Variants in CLMP observed in about 807,000 individuals in gnomAD.
CLMP encodes the protein CXADR like cell adhesion molecule.
CLMP carries 27 observed loss-of-function variants against 45.2 expected under a neutral mutation model. The ratio of observed to expected loss-of-function variants is 0.60; its 90% confidence interval spans 0.44 to 0.82. CLMP has a LOEUF of 0.82. Among genes scored for constraint, CLMP ranks in the 40% least tolerant of loss-of-function variants. CLMP has a pLI of 0.00. For missense variants in CLMP, 403 were observed against 448.4 expected, an observed-to-expected ratio of 0.90 and a Z score of 0.91; for synonymous variants, 167 against 171.4, an observed-to-expected ratio of 0.97 and a Z score of 0.20.
intron 1 of CLMP, among the ~76,000 whole-genome samples, chr11:123,150,527 GGAAAGAAACAAGC>G (rs1861316408): frequency 1.8e-5 from 2 of 113,862 alleles, no homozygotes; most frequent in African/African-American, 7.3e-5. Flanking sequence ...AAGGAAGGAA[GGAAAGAAACAAGC>G]AAGGAAGGAA....
rs1254080767 is a variant in CLMP, at chr11:123,070,824, C to T, written c.*2650G>A. On this transcript the variant is annotated 3_prime_UTR_variant, in exon 7 of 7. Transcript: ENST00000448775. ...AAGAAGCATTCCAAATACGCCAGTT[C>T]TCTTAAACCCATAGCAGACATTTAT... is the stretch of plus-strand genomic sequence containing the variant. The T allele has an allele frequency of 1.3e-5, 2 of 152,196 alleles. No homozygotes were observed. The highest frequency in any genetic ancestry group is 2.9e-5 in the Non-Finnish European group (2 of 68,038). The allele number at this position is 152,196 out of a possible 1,614,324, so 9.4% of individuals were successfully genotyped here.
chr11:123,110,924 G>T (rs1860629871), intron 1 of CLMP, among the ~76,000 whole-genome samples: 1 of 152,104 alleles, frequency 6.6e-6, no homozygotes, highest in African/African-American at 2.4e-5. Context: ...TGTGTGAGTA[G>T]CTGTAAAGGG....
At chr11:123,144,638 G>A (rs1198659767) in intron 1 of CLMP, among the ~76,000 whole-genome samples, 2 of 152,116 alleles carry the variant, frequency 1.3e-5, no homozygotes, top group Non-Finnish European at 2.9e-5. Flanking sequence ...CCAAAGTGCT[G>A]GGATTACAGG....
At chr11:123,074,900 T>A in intron 5 of CLMP, 57 bp from the exon 6 acceptor site, 4 of 1,565,692 alleles carry the variant, frequency 2.6e-6, no homozygotes, top group Non-Finnish European at 3.5e-6. Flanking sequence ...GGAAATATGT[T>A]ATTAACTCAA....
At chr11:123,100,032 T>A (rs74494176) in intron 1 of CLMP, among the ~76,000 whole-genome samples, 18,813 of 152,090 alleles carry the variant, frequency 0.12, 1,295 homozygotes, top group Non-Finnish European at 0.15. Flanking sequence ...AACTACGGAA[T>A]ATAGTAACTG....
chr11:123,157,722 C>CA (rs869197042), intron 1 of CLMP, among the ~76,000 whole-genome samples: 1,294 of 70,492 alleles, frequency 0.018, 9 homozygotes, highest in East Asian at 0.026. Context: ...GAGTGAAACT[C>CA]AAAAAAAAAA....
At chr11:123,155,699 C>CTCT (rs2135529417) in intron 1 of CLMP, among the ~76,000 whole-genome samples, 1 of 152,266 alleles carries the variant, frequency 6.6e-6, no homozygotes, top group South Asian at 2.1e-4. Flanking sequence ...TCCTCAGGGA[C>CTCT]TCTTGCCTCC....
At chr11:123,177,929 C>G (rs1861719686) in intron 1 of CLMP, among the ~76,000 whole-genome samples, 1 of 152,322 alleles carries the variant, frequency 6.6e-6, no homozygotes, top group East Asian at 1.9e-4. Context: ...GTGGCACGAT[C>G]TCGGCTCACT....
intron 1 of CLMP, among the ~76,000 whole-genome samples, chr11:123,170,053 T>G (rs1251918485): frequency 6.6e-6 from 1 of 152,172 alleles, no homozygotes; most frequent in East Asian, 1.9e-4. Context: ...GGTGCCAGAC[T>G]TTTAGTGGAT....
intron 1 of CLMP, among the ~76,000 whole-genome samples, chr11:123,150,201 A>AACACACAC (rs113858165): frequency 2.8e-5 from 4 of 142,194 alleles, no homozygotes; most frequent in East Asian, 2.1e-4. Flanking sequence ...ACACACACTA[A>AACACACAC]ACACACACAC....
At chr11:123,148,190 G>A (rs937826097) in intron 1 of CLMP, among the ~76,000 whole-genome samples, 23 of 152,306 alleles carry the variant, frequency 1.5e-4, no homozygotes, top group African/African-American at 4.8e-4. Flanking sequence ...TAAGTGCTAC[G>A]TAAGTGTAGC....
intron 5 of CLMP, among the ~76,000 whole-genome samples, chr11:123,076,103 G>T (rs1865736709): frequency 6.6e-6 from 1 of 152,020 alleles, no homozygotes; most frequent in African/African-American, 2.4e-5. Context: ...AACCTGGGAG[G>T]CAGAGGTTGT....
Position 123,083,111 on chromosome 11 carries a change from C to G in CLMP, c.653G>C (p.Ser218Thr). Reference sequence around the variant, plus strand: ...CTGTACAGTTACTCGCACCACACAGCTTTCCTTCCCAGCTTCGTTGCCTGC... The same window carrying G: ...CTGTACAGTTACTCGCACCACACAGGTTTCCTTCCCAGCTTCGTTGCCTGC... ...CTAGNEAGKE[S>T]CVVRVTVQYV... is the part of the protein sequence containing the mutation. The change falls in exon 5 of 7, where the codon AGC (serine) becomes ACC (threonine). Residue 218 changes from serine (S) to threonine (T), a missense_variant. Ser to Thr is a moderately conservative substitution (Grantham distance 58, BLOSUM62 1). Transcript: ENST00000448775. 1 of 1,614,208 alleles carries G rather than the reference C, an allele frequency of 6.2e-7. No homozygotes were observed. Among genetic ancestry groups the G allele is most frequent in the Non-Finnish European group, 8.5e-7 (1 of 1,180,034 alleles).
At chr11:123,137,351 A>AC (rs113586135) in intron 1 of CLMP, among the ~76,000 whole-genome samples, 11,730 of 151,116 alleles carry the variant, frequency 0.078, 738 homozygotes, top group East Asian at 0.25. Context: ...GACGGGGTAG[A>AC]CCTTTCTTAA....
At chr11:123,180,378 C>A (rs1451220040) in intron 1 of CLMP, among the ~76,000 whole-genome samples, 1 of 152,016 alleles carries the variant, frequency 6.6e-6, no homozygotes, top group South Asian at 2.1e-4. Context: ...GAGAGCAGAG[C>A]CTTAGAAACG....
At chr11:123,180,430 T>C (rs1168467350) in intron 1 of CLMP, among the ~76,000 whole-genome samples, 1 of 152,100 alleles carries the variant, frequency 6.6e-6, no homozygotes, top group Non-Finnish European at 1.5e-5. Context: ...CACGTGGCTC[T>C]CTATGAACGA....
At chr11:123,088,967 C>G (rs541929497) in intron 2 of CLMP, among the ~76,000 whole-genome samples, 8 of 152,246 alleles carry the variant, frequency 5.3e-5, no homozygotes, top group Non-Finnish European at 1.2e-4. Context: ...GAGATGCCTT[C>G]GTCTTGAAAT....
intron 1 of CLMP, among the ~76,000 whole-genome samples, chr11:123,129,399 A>C (rs982050646): frequency 2.2e-5 from 3 of 137,566 alleles, no homozygotes; most frequent in Non-Finnish European, 4.5e-5. Flanking sequence ...ATATTATATA[A>C]AATATATATC....
chr11:123,178,196 T>C (rs907612250), intron 1 of CLMP, among the ~76,000 whole-genome samples: 5 of 152,170 alleles, frequency 3.3e-5, no homozygotes, highest in Admixed American at 6.5e-5. Flanking sequence ...GTACTTAGAA[T>C]TGGTGTCAAA....
Sources: gnomAD v4.1 joint callset for allele counts (sites outside exome capture counted in the v4.1 genomes callset) on GRCh38, gnomAD v4.1.1 for gene constraint, MANE v1.5 for transcripts, NCBI Gene and HGNC (gene_info 2026-07-23, HGNC 2026-07-21) for gene names.